The following MNAT1 variants were observed in gnomAD, a reference collection of about 807,000 sequenced individuals.
MNAT1 encodes MNAT1 component of CDK activating kinase, also known as CDK-activating kinase assembly factor MAT1.
Under a neutral mutation model 42.0 loss-of-function variants are expected in MNAT1, and 43 were observed. That is an observed-to-expected ratio of 1.02 (90% CI 0.80 to 1.32). MNAT1 has a LOEUF of 1.32. Ranked by LOEUF, MNAT1 falls within the 40% of genes most tolerant of loss-of-function variation. MNAT1 has a pLI of 0.00. For synonymous variants in MNAT1, 118 were observed against 120.0 expected (o/e 0.98, Z 0.11); for missense variants, 306 against 350.4 (o/e 0.87, Z 1.01).
intron 1 of MNAT1, among the ~76,000 whole-genome samples, chr14:60,791,117 A>G (rs2031802559): frequency 6.6e-6 from 1 of 152,124 alleles, no homozygotes; most frequent in South Asian, 2.1e-4. Flanking sequence ...TTGTTTTTAC[A>G]CAGCTCCGTT....
chr14:60,882,140 GACAAAA>G (rs996134196), intron 7 of MNAT1, among the ~76,000 whole-genome samples: 9 of 152,222 alleles, frequency 5.9e-5, no homozygotes, highest in African/African-American at 1.9e-4. Context: ...TAGCCTGGGT[GACAAAA>G]ACAAAAACAA....
chr14:60,953,649 C>T (rs1566577629), intron 7 of MNAT1, among the ~76,000 whole-genome samples: 1 of 152,120 alleles, frequency 6.6e-6, no homozygotes. Context: ...TTTCAAAACA[C>T]TAATAAGGAG....
chr14:60,813,705 T>C (rs957882536), intron 5 of MNAT1, among the ~76,000 whole-genome samples: 1 of 152,212 alleles, frequency 6.6e-6, no homozygotes, highest in Non-Finnish European at 1.5e-5. Flanking sequence ...ATAAATTCAT[T>C]TGGGATACTC....
chr14:60,752,855 C>A (rs1234551559), intron 1 of MNAT1, among the ~76,000 whole-genome samples: 2 of 152,198 alleles, frequency 1.3e-5, no homozygotes, highest in African/African-American at 4.8e-5. Flanking sequence ...ACCTCTGCCT[C>A]CTGGGTTGGA....
intron 7 of MNAT1, among the ~76,000 whole-genome samples, chr14:60,885,274 G>T (rs1292407971): frequency 6.6e-6 from 1 of 151,544 alleles, no homozygotes; most frequent in African/African-American, 2.4e-5. Flanking sequence ...ATGAATAAAC[G>T]TTCTACCCTC....
chr14:60,946,545 T>C (rs762535646), intron 7 of MNAT1, among the ~76,000 whole-genome samples: 36 of 152,264 alleles, frequency 2.4e-4, no homozygotes, highest in East Asian at 7.7e-4. Context: ...TTTTTTTTCT[T>C]CCTCTGATTT....
chr14:60,762,560 G>A (rs1003319942), intron 1 of MNAT1, among the ~76,000 whole-genome samples: 17 of 151,884 alleles, frequency 1.1e-4, no homozygotes, highest in African/African-American at 3.9e-4. Context: ...ACAAAAATTA[G>A]CCAGGCATGG....
intron 7 of MNAT1, among the ~76,000 whole-genome samples, chr14:60,912,217 G>C (rs374426337): frequency 1.7e-4 from 26 of 151,966 alleles, no homozygotes; most frequent in Non-Finnish European, 2.4e-4. Context: ...ATGTGTGTCT[G>C]TGCACATGAG....
intron 7 of MNAT1, among the ~76,000 whole-genome samples, chr14:60,916,717 G>A (rs150414558): frequency 0.024 from 3,583 of 152,250 alleles, 60 homozygotes; most frequent in Non-Finnish European, 0.038. Context: ...TTTGGGAGGC[G>A]GAGGCAGGCG....
chr14:60,776,908 C>T (rs1383877291), intron 1 of MNAT1, among the ~76,000 whole-genome samples: 1 of 149,768 alleles, frequency 6.7e-6, no homozygotes, highest in African/African-American at 2.4e-5. Flanking sequence ...AGTGCAGTGG[C>T]ATGATCATTG....
At chr14:60,773,806 C>T (rs943829301) in intron 1 of MNAT1, among the ~76,000 whole-genome samples, 1 of 152,192 alleles carries the variant, frequency 6.6e-6, no homozygotes, top group Non-Finnish European at 1.5e-5. Context: ...ATGTGCTGTC[C>T]TTTGCTGTTG....
At chr14:60,815,907 TATAA>T (rs1250387345) in intron 5 of MNAT1, among the ~76,000 whole-genome samples, 4 of 152,222 alleles carry the variant, frequency 2.6e-5, no homozygotes, top group Non-Finnish European at 5.9e-5. Flanking sequence ...TATACAATGT[TATAA>T]ATGTTAAAAT....
At position 60,968,358 on chromosome 14, in the gene MNAT1, A is replaced by G; in HGVS notation, c.*9A>G. 6.2e-7 allele frequency: 1 copy of G among 1,608,750 alleles called. No individual in the cohort carries two copies. The highest frequency in any genetic ancestry group is 8.5e-7 in the Non-Finnish European group (1 of 1,178,520). On this transcript the variant is annotated 3_prime_UTR_variant, in exon 8 of 8. Transcript: ENST00000261245. The stretch of plus-strand genomic sequence containing the variant: ...TCTGGCAGCCCAGTTAACCATTTAT[A>G]AGATTTGGACCTTGGAGCTGAACCA...
Position 60,734,761 on chromosome 14 carries a change from A to C in MNAT1, c.-102A>C. On this transcript the variant is annotated 5_prime_UTR_variant, in exon 1 of 8. Coordinates refer to ENST00000261245, the MANE Select transcript of MNAT1 (RefSeq NM_002431.4). This position sits in a 1 kb window ranked among gnomAD's most constrained non-coding sequence, Gnocchi z 4.3. ...CTTTCGCGAAGGGACCGTCTCTGCC[A>C]AGCGCCTGTTGGTAGGAACCTGCTT... 1 of 1,020,818 alleles carries C rather than the reference A, an allele frequency of 9.8e-7. No homozygotes were observed. 63.2% of individuals were successfully genotyped at this position (1,020,818 alleles called of 1,614,324 possible).
intron 5 of MNAT1, among the ~76,000 whole-genome samples, chr14:60,817,048 A>C (rs1383560077): frequency 6.6e-6 from 1 of 151,954 alleles, no homozygotes; most frequent in Non-Finnish European, 1.5e-5. Flanking sequence ...TTTTTAAAGG[A>C]AATACCAGTT....
chr14:60,736,293 TG>T lies in MNAT1; in HGVS notation c.89+1343del, dbSNP rs1367521521. Among the ~76,000 whole-genome samples, 254 of 152,072 alleles carry T rather than the reference TG, an allele frequency of 1.7e-3. 1 individual carries two copies. Among genetic ancestry groups the T allele is most frequent in the African/African-American group, 5.4e-3 (223 of 41,522 alleles). ...TTATGGTGGAACAGGAAAGAGAGTT[TG>T]TTTTTTTTTTTGGGAAGGATACTAA... On this transcript the variant is annotated intron_variant, in intron 1 of 7. Coordinates refer to ENST00000261245, the MANE Select transcript of MNAT1 (RefSeq NM_002431.4).
chr14:60,917,010 T>G (rs1489497911), intron 7 of MNAT1, among the ~76,000 whole-genome samples: 1 of 152,092 alleles, frequency 6.6e-6, no homozygotes, highest in African/African-American at 2.4e-5. Flanking sequence ...CCTGTAAGCA[T>G]TGGCTTTTAA....
At chr14:60,736,216 G>GT (rs908463490) in intron 1 of MNAT1, among the ~76,000 whole-genome samples, 1 of 151,814 alleles carries the variant, frequency 6.6e-6, no homozygotes, top group African/African-American at 2.4e-5. Flanking sequence ...TAGATAGACT[G>GT]TTTTTAGAGA....
At chr14:60,834,975 T>TCCTTCCTA (rs2033344392) in intron 6 of MNAT1, among the ~76,000 whole-genome samples, 3 of 138,642 alleles carry the variant, frequency 2.2e-5, no homozygotes, top group Admixed American at 7.0e-5. Flanking sequence ...CTTCCTTCCT[T>TCCTTCCTA]CCTACCTTGC....
Sources: allele counts gnomAD v4.1 joint callset (sites outside exome capture counted in the v4.1 genomes callset), GRCh38; gene constraint gnomAD v4.1.1; non-coding constraint Gnocchi (gnomAD v3.1); transcripts MANE v1.5; gene names NCBI Gene and HGNC (gene_info 2026-07-23, HGNC 2026-07-21).